PDE4C: variants seen among roughly 807,000 people sequenced by gnomAD.
PDE4C encodes 3',5'-cyclic-AMP phosphodiesterase 4C.
Under a neutral mutation model 63.9 loss-of-function variants are expected in PDE4C, and 50 were observed. That is an observed-to-expected ratio of 0.78 (90% CI 0.62 to 0.99). PDE4C has a LOEUF of 0.99. Among genes scored for constraint, PDE4C ranks in the 50% least tolerant of loss-of-function variants. PDE4C has a pLI of 0.00. For synonymous variants in PDE4C, 377 were observed against 385.1 expected, an observed-to-expected ratio of 0.98 and a Z score of 0.25; for missense variants, 777 against 899.1, an observed-to-expected ratio of 0.86 and a Z score of 1.74.
At chr19:18,244,307 T>C (rs1436756578) in intron 1 of PDE4C, among the ~76,000 whole-genome samples, 2 of 149,250 alleles carry the variant, frequency 1.3e-5, no homozygotes, top group African/African-American at 4.9e-5. Context: ...TTTTGTTTTT[T>C]TTTTTGAGAC....
At chr19:18,214,882 G>C (rs139854545) in intron 12 of PDE4C, among the ~76,000 whole-genome samples, 187 of 151,214 alleles carry the variant, frequency 1.2e-3, no homozygotes, top group African/African-American at 4.5e-3. Flanking sequence ...CCAGGAGGTG[G>C]AGGTTGCAGT....
chr19:18,210,709 TTAGAG>T (rs1967882854), exon 15 of PDE4C: 4 of 603,986 alleles, frequency 6.6e-6, no homozygotes, highest in Non-Finnish European at 1.0e-5. Context: ...AGGCTGCCCC[TTAGAG>T]AGCTCTTTTA....
chr19:18,213,283 CAATA>C (rs1181543896), intron 13 of PDE4C, 81 bp downstream of exon 13: 42 of 1,243,484 alleles, frequency 3.4e-5, no homozygotes, highest in South Asian at 9.7e-5. Flanking sequence ...GACTCCGTCT[CAATA>C]AATAAATAAA....
chr19:18,240,723 T>G (rs987357997), intron 1 of PDE4C, among the ~76,000 whole-genome samples: 25 of 151,800 alleles, frequency 1.6e-4, no homozygotes, highest in African/African-American at 5.6e-4. Flanking sequence ...CGAGACTACG[T>G]CTCAAAAAAA....
At chr19:18,247,772 C>A (rs1422396429) in intron 1 of PDE4C, among the ~76,000 whole-genome samples, 2 of 152,150 alleles carry the variant, frequency 1.3e-5, no homozygotes, top group Non-Finnish European at 2.9e-5. Flanking sequence ...CACTGGGAGC[C>A]CAGGTACGGC....
chr19:18,223,412 G>T (rs1197068338), intron 1 of PDE4C, among the ~76,000 whole-genome samples: 3 of 151,954 alleles, frequency 2.0e-5, no homozygotes, highest in Non-Finnish European at 4.4e-5. Context: ...GTTTCTCCAT[G>T]TTGGTCAGGC....
chr19:18,221,371 C>A, intron 2 of PDE4C, 74 bp from the exon 3 acceptor site: 3 of 1,421,090 alleles, frequency 2.1e-6, no homozygotes, highest in Non-Finnish European at 2.9e-6. Flanking sequence ...ATGCCCTCAA[C>A]TGAGGGGGTC....
chr19:18,208,680 CA>C (rs1182870987), downstream of PDE4C: 1 of 152,150 alleles, frequency 6.6e-6, no homozygotes, highest in Non-Finnish European at 1.5e-5. Context: ...TATTTAACCC[CA>C]GATAAATGCT....
chr19:18,230,547 C>A (rs111916352), upstream of PDE4C, among the ~76,000 whole-genome samples: 1 of 152,072 alleles, frequency 6.6e-6, no homozygotes, highest in Non-Finnish European at 1.5e-5. Context: ...AAACAGAGAG[C>A]CTCTCCTTCC....
intron 1 of PDE4C, among the ~76,000 whole-genome samples, chr19:18,232,110 A>T (rs1056692079): frequency 2.0e-5 from 3 of 152,140 alleles, no homozygotes; most frequent in Non-Finnish European, 4.4e-5. Flanking sequence ...CACACATGTA[A>T]TCCTAGTACT....
chr19:18,233,575 C>A (rs1600097804), exon 1 of PDE4C: 1 of 497,640 alleles, frequency 2.0e-6, no homozygotes, highest in South Asian at 1.5e-5. Context: ...GTCCACTGAT[C>A]GCTGCTAAAT....
At chr19:18,254,153 G>A in the PDE4C span, among the ~76,000 whole-genome samples, 1 of 152,198 alleles carries the variant, frequency 6.6e-6, no homozygotes, top group Admixed American at 6.5e-5. Context: ...GAGAAACTGA[G>A]GCTCAGAGTA....
chr19:18,211,072 C>A lies in PDE4C; in HGVS notation c.1900G>T (p.Glu634Ter). The A allele has an allele frequency of 6.2e-7, 1 of 1,614,242 alleles. No individual in the cohort carries two copies. Among genetic ancestry groups the A allele is most frequent in the East Asian group, 2.2e-5 (1 of 44,894 alleles). ...TCTTCTTCCTCCTCATCCTCTTCCT[C>A]TGCCTCCTCCAGAGTCAGTTCAAAC... Residue 634 changes from glutamate (E) to a stop codon, truncating the protein, a stop_gained, in exon 15 of 15, where the codon GAG becomes TAG. Transcript: ENST00000262805. LOFTEE classifies it low-confidence loss of function (END_TRUNC).
intron 1 of PDE4C, among the ~76,000 whole-genome samples, chr19:18,241,056 G>A (rs1969026805): frequency 1.3e-5 from 2 of 151,930 alleles, no homozygotes; most frequent in Admixed American, 1.3e-4. Flanking sequence ...CTTTCCCAGG[G>A]GCACCTGAAA....
At chr19:18,249,749 T>G (rs1969207454), upstream of PDE4C, among the ~76,000 whole-genome samples, 1 of 152,056 alleles carries the variant, frequency 6.6e-6, no homozygotes, top group East Asian at 1.9e-4. Flanking sequence ...ATTTTTGTAT[T>G]TTTAGTACAG....
intron 1 of PDE4C, among the ~76,000 whole-genome samples, chr19:18,239,953 G>C (rs561890130): frequency 5.9e-4 from 89 of 151,978 alleles, no homozygotes; most frequent in Admixed American, 3.6e-3. Context: ...TTGAACCCAG[G>C]GGGTAGAGGT....
At chr19:18,221,448 G>A in intron 2 of PDE4C, 151 bp from the exon 3 acceptor site, 1 of 686,970 alleles carries the variant, frequency 1.5e-6, no homozygotes, top group South Asian at 2.0e-5. Flanking sequence ...GACTCTCCCT[G>A]AGACCCAGCA....
At chr19:18,230,153 C>G (rs1022611760), upstream of PDE4C, among the ~76,000 whole-genome samples, 2 of 152,176 alleles carry the variant, frequency 1.3e-5, no homozygotes, top group African/African-American at 4.8e-5. Flanking sequence ...AGAGCAAGGC[C>G]AGGTCTGCCA....
At chr19:18,239,800 C>T (rs780842355) in intron 1 of PDE4C, among the ~76,000 whole-genome samples, 15 of 151,566 alleles carry the variant, frequency 9.9e-5, no homozygotes, top group African/African-American at 2.7e-4. Context: ...CTGAGGCAGG[C>T]GGATCGCTTA....
Sources: gnomAD v4.1 joint callset for allele counts (sites outside exome capture counted in the v4.1 genomes callset) on GRCh38, gnomAD v4.1.1 for gene constraint, MANE v1.5 for transcripts, NCBI Gene and HGNC (gene_info 2026-07-23, HGNC 2026-07-21) for gene names.